The following CAST variants were observed in gnomAD, a reference collection of about 807,000 sequenced individuals.
CAST encodes the protein MIR583 host.
A neutral mutation model predicts 119.6 loss-of-function variants in CAST; 76 were observed. The observed-to-expected ratio is 0.64, with a 90% CI of 0.53 to 0.77. CAST has a LOEUF of 0.77. CAST is among the 30% of genes least tolerant of loss of function. The pLI is 0.00. For missense variants in CAST, 953 were observed against 946.5 expected (o/e 1.01, Z -0.09); for synonymous variants, 319 against 331.6 (o/e 0.96, Z 0.41).
chr5:96,624,999 T>C lies in CAST; in HGVS notation c.61-50540T>C, dbSNP rs550437983. ...TGCAATTTTTACAGACATATGACTC[T>C]TCTAAGTAAGAAAGGTTAATTCCCT... On this transcript the variant is annotated intron_variant, in intron 1 of 11. Coordinates refer to the CAST transcript ENST00000505143. 5.3e-5 allele frequency among the ~76,000 whole-genome samples: 8 copies of C among 152,360 alleles called. No homozygotes were observed. In the South Asian group the frequency reaches 1.7e-3, roughly 32 times the overall value.
the CAST span, among the ~76,000 whole-genome samples, chr5:96,312,324 T>C: frequency 6.6e-6 from 1 of 152,132 alleles, no homozygotes; most frequent in Non-Finnish European, 1.5e-5. Context: ...AGATGTCCTC[T>C]AAGATACCTC....
chr5:96,548,981 A>C (rs148383021), intron 1 of CAST, among the ~76,000 whole-genome samples: 44 of 152,330 alleles, frequency 2.9e-4, no homozygotes, highest in African/African-American at 8.9e-4. Flanking sequence ...GGTGACCCAC[A>C]TGCTACTGGC....
At chr5:96,524,045 T>G (rs550550192), upstream of CAST, among the ~76,000 whole-genome samples, 1 of 152,330 alleles carries the variant, frequency 6.6e-6, no homozygotes, top group African/African-American at 2.4e-5. Context: ...AGATACAGGT[T>G]TCTTTTGTCC....
chr5:96,069,655 C>CTTTTTTTT, the CAST span, among the ~76,000 whole-genome samples: 16 of 78,380 alleles, frequency 2.0e-4, 1 homozygote, highest in African/African-American at 3.1e-4. Context: ...GGTAATTAAA[C>CTTTTTTTT]TTTTTTTTTT....
At chr5:96,746,090 T>C (rs1763691152) in intron 16 of CAST, among the ~76,000 whole-genome samples, 1 of 152,184 alleles carries the variant, frequency 6.6e-6, no homozygotes, top group Admixed American at 6.5e-5. Context: ...CTTCCCAAGG[T>C]CACAGCAGCT....
chr5:96,050,933 T>G, the CAST span, among the ~76,000 whole-genome samples: 2 of 152,114 alleles, frequency 1.3e-5, no homozygotes, highest in Non-Finnish European at 2.9e-5. Flanking sequence ...ATAAATGATT[T>G]ATATAATTTG....
chr5:96,603,367 T>C (rs1725154072), intron 1 of CAST, among the ~76,000 whole-genome samples: 1 of 152,192 alleles, frequency 6.6e-6, no homozygotes, highest in African/African-American at 2.4e-5. Flanking sequence ...TAATCATATC[T>C]TATAAGCTTT....
the CAST span, among the ~76,000 whole-genome samples, chr5:96,300,795 A>ACAGGTATTT: frequency 7.1e-6 from 1 of 141,806 alleles, no homozygotes; most frequent in Non-Finnish European, 1.5e-5. Context: ...TTTTTAGCTT[A>ACAGGTATTT]CAGGTATTTT....
chr5:96,041,660 A>G, the CAST span, among the ~76,000 whole-genome samples: 1 of 152,132 alleles, frequency 6.6e-6, no homozygotes, highest in Non-Finnish European at 1.5e-5. Context: ...GAAGGAATAC[A>G]TGGGATCTCT....
chr5:96,165,207 GT>G, the CAST span, among the ~76,000 whole-genome samples: 46,881 of 151,652 alleles, frequency 0.31, 7,450 homozygotes, highest in Middle Eastern at 0.39. Flanking sequence ...TAAAATGACA[GT>G]GTCTTTGGGG....
At chr5:96,405,287 C>T in the CAST span, among the ~76,000 whole-genome samples, 11 of 152,236 alleles carry the variant, frequency 7.2e-5, no homozygotes, top group East Asian at 3.9e-4. Context: ...TCTTAAATCA[C>T]GAACACTGAG....
intron 1 of CAST, among the ~76,000 whole-genome samples, chr5:96,571,336 T>G (rs1267456404): frequency 6.6e-6 from 1 of 152,170 alleles, no homozygotes; most frequent in African/African-American, 2.4e-5. Flanking sequence ...CATTAATACC[T>G]CTCCACTTTG....
At chr5:96,402,433 G>A in the CAST span, among the ~76,000 whole-genome samples, 21 of 152,218 alleles carry the variant, frequency 1.4e-4, no homozygotes, top group African/African-American at 5.1e-4. Context: ...CCTTGGTCAG[G>A]CCTCCTCGTG....
chr5:96,371,390 G>C, the CAST span, among the ~76,000 whole-genome samples: 5 of 152,162 alleles, frequency 3.3e-5, no homozygotes, highest in Admixed American at 3.3e-4. Context: ...TACTTGAATC[G>C]CTGTCAACTG....
the CAST span, among the ~76,000 whole-genome samples, chr5:96,449,683 G>A: frequency 1.3e-5 from 2 of 152,136 alleles, no homozygotes; most frequent in Non-Finnish European, 2.9e-5. Context: ...TAAATTCTCA[G>A]CCATTTGTCC....
At chr5:96,572,768 A>C (rs940136365) in intron 1 of CAST, among the ~76,000 whole-genome samples, 2 of 152,170 alleles carry the variant, frequency 1.3e-5, no homozygotes, top group Admixed American at 6.5e-5. Flanking sequence ...CACCTTGGGC[A>C]GGCTTTCTCT....
At chr5:96,437,447 C>G in the CAST span, among the ~76,000 whole-genome samples, 1 of 152,200 alleles carries the variant, frequency 6.6e-6, no homozygotes, top group Non-Finnish European at 1.5e-5. Flanking sequence ...ATCCCTGCTT[C>G]TGCTTGCAGG....
At chr5:96,448,406 TTTCATTCATTCA>T in the CAST span, among the ~76,000 whole-genome samples, 21 of 152,282 alleles carry the variant, frequency 1.4e-4, no homozygotes, top group Middle Eastern at 3.4e-3. Context: ...ACTTGCTATA[TTTCATTCATTCA>T]TTCATTCATT....
the CAST span, among the ~76,000 whole-genome samples, chr5:96,090,064 G>A: frequency 2.0e-5 from 3 of 152,038 alleles, no homozygotes; most frequent in Non-Finnish European, 4.4e-5. Context: ...GAGATTAATA[G>A]TATCTCAAGA....
Sources: gnomAD v4.1 joint callset for allele counts (sites outside exome capture counted in the v4.1 genomes callset) on GRCh38, gnomAD v4.1.1 for gene constraint, MANE v1.5 for transcripts, NCBI Gene and HGNC (gene_info 2026-07-23, HGNC 2026-07-21) for gene names.